The following SLC9A9 variants were observed in gnomAD, a reference collection of about 807,000 sequenced individuals.
SLC9A9 encodes the protein solute carrier family 9 member A9.
Under a neutral mutation model 77.8 loss-of-function variants are expected in SLC9A9, and 62 were observed. That is an observed-to-expected ratio of 0.80 (90% confidence interval 0.65 to 0.98). The LOEUF (loss-of-function observed/expected upper bound fraction) is 0.98, where lower values mean the gene tolerates loss of function less well. Among genes scored for constraint, SLC9A9 ranks in the 50% least tolerant of loss-of-function variants. The pLI is 0.00. For synonymous variants in SLC9A9, 320 were observed against 283.5 expected (o/e 1.13, Z -1.29); for missense variants, 775 against 774.9 (o/e 1.00, Z 0.00).
At chr3:143,610,703 C>A (rs1407198903) in intron 6 of SLC9A9, among the ~76,000 whole-genome samples, 2 of 152,164 alleles carry the variant, frequency 1.3e-5, no homozygotes, top group Non-Finnish European at 2.9e-5. Context: ...GAACCCCAGA[C>A]CCCTTTCCAC....
At chr3:143,770,023 G>A (rs1339879604) in intron 4 of SLC9A9, among the ~76,000 whole-genome samples, 1 of 152,138 alleles carries the variant, frequency 6.6e-6, no homozygotes, top group East Asian at 1.9e-4. Context: ...ATTCTCTCAT[G>A]TTGATACTTT....
chr3:143,561,068 C>G (rs890576790), intron 8 of SLC9A9, among the ~76,000 whole-genome samples: 7 of 152,126 alleles, frequency 4.6e-5, no homozygotes, highest in Non-Finnish European at 8.8e-5. Flanking sequence ...GTAATCCCAG[C>G]TACTTGGGAG....
chr3:143,815,164 T>C (rs2008971773), intron 2 of SLC9A9, among the ~76,000 whole-genome samples: 1 of 152,164 alleles, frequency 6.6e-6, no homozygotes, highest in Non-Finnish European at 1.5e-5. Flanking sequence ...AATTAATAAA[T>C]TAATGCTTTT....
At chr3:143,322,907 C>T (rs988262030) in intron 14 of SLC9A9, among the ~76,000 whole-genome samples, 4 of 152,062 alleles carry the variant, frequency 2.6e-5, no homozygotes, top group African/African-American at 9.7e-5. Context: ...CACGAATAGA[C>T]ATTTCTCCAA....
chr3:143,620,320 C>G (rs1453013158), intron 6 of SLC9A9, among the ~76,000 whole-genome samples: 1 of 152,130 alleles, frequency 6.6e-6, no homozygotes, highest in Non-Finnish European at 1.5e-5. Context: ...GTAAGTATAG[C>G]ATAGTTGTTG....
rs767689912 is a variant in SLC9A9, at chr3:143,578,614, C to T, written c.865G>A (p.Gly289Arg). The change falls in exon 7 of 16, where the codon GGG becomes AGG. Residue 289 changes from glycine to arginine, a missense_variant. Coordinates refer to ENST00000316549, the MANE Select transcript of SLC9A9 (RefSeq NM_173653.4). ...LGIFAGSFAMGSAYAIITALL... is the reference protein window; with the variant it reads ...LGIFAGSFAMRSAYAIITALL... ...GCTGTGATGATGGCATACGCAGACC[C>T]CATTGCAAATGAGCCAGCGAAGATT... The T allele has an allele frequency of 6.2e-6, 10 of 1,613,908 alleles. No homozygotes were observed. In the Admixed American group the frequency reaches 1.3e-4, roughly 22 times the overall value.
intron 9 of SLC9A9, among the ~76,000 whole-genome samples, chr3:143,530,209 G>A (rs2036479433): frequency 6.6e-6 from 1 of 152,210 alleles, no homozygotes; most frequent in Admixed American, 6.5e-5. Flanking sequence ...TAGTGAGAGA[G>A]TTTGGCTGTG....
intron 1 of SLC9A9, among the ~76,000 whole-genome samples, chr3:143,839,252 G>A (rs1559822291): frequency 1.3e-5 from 2 of 152,104 alleles, no homozygotes; most frequent in South Asian, 2.1e-4. Context: ...ACTTGTTTTG[G>A]TGAAGAGTCC....
chr3:143,538,853 G>A (rs1318893598), intron 9 of SLC9A9, among the ~76,000 whole-genome samples: 1 of 152,186 alleles, frequency 6.6e-6, no homozygotes, highest in Admixed American at 6.5e-5. Context: ...CAGATCTCTA[G>A]GGGAAAAGAA....
intron 9 of SLC9A9, among the ~76,000 whole-genome samples, chr3:143,519,535 A>T (rs1342909508): frequency 6.6e-6 from 1 of 152,174 alleles, no homozygotes; most frequent in East Asian, 1.9e-4. Context: ...AGTTTGGAAG[A>T]AGAGAAGGCA....
chr3:143,810,037 A>G lies in SLC9A9; in HGVS notation c.379-13134T>C, dbSNP rs538777559. ...ATGGAAACATTACGTATGTCTTATG[A>G]AAACAGTGAGATTTTTAAATATTAA... On this transcript the variant is annotated intron_variant, in intron 2 of 15. Coordinates refer to ENST00000316549, the MANE Select transcript of SLC9A9 (RefSeq NM_173653.4). Among the ~76,000 whole-genome samples, 8 of 152,356 alleles carry G rather than the reference A, an allele frequency of 5.3e-5. No individual in the cohort carries two copies. The South Asian group carries it at 1.5e-3, about 28-fold the overall frequency.
intron 12 of SLC9A9, among the ~76,000 whole-genome samples, chr3:143,412,432 C>T (rs565047390): frequency 1.3e-5 from 2 of 152,284 alleles, no homozygotes; most frequent in East Asian, 3.9e-4. Context: ...CAGCATCTGA[C>T]CACTAATGCT....
chr3:143,390,457 T>C lies in SLC9A9; in HGVS notation c.1470-8343A>G, dbSNP rs536118204. 5.3e-5 allele frequency among the ~76,000 whole-genome samples: 8 copies of C among 152,158 alleles called. No individual in the cohort carries two copies. The East Asian group carries it at 1.5e-3, about 29-fold the overall frequency. ...TCATAGGCTGTTGTGGGATAATACA[T>C]GTAAGGGGTGAATTGTTCCAAGATG... On this transcript the variant is annotated intron_variant, in intron 12 of 15. Transcript: ENST00000316549.
At chr3:143,798,107 C>T (rs986629957) in intron 2 of SLC9A9, among the ~76,000 whole-genome samples, 5 of 152,214 alleles carry the variant, frequency 3.3e-5, no homozygotes, top group Non-Finnish European at 5.9e-5. Context: ...TCTCTTTACT[C>T]TCTTCTCCAG....
intron 2 of SLC9A9, among the ~76,000 whole-genome samples, chr3:143,809,233 A>C (rs1228975888): frequency 1.3e-5 from 2 of 152,220 alleles, no homozygotes; most frequent in Non-Finnish European, 2.9e-5. Context: ...TTCTGCAAAA[A>C]TCGGGTTAAT....
intron 12 of SLC9A9, among the ~76,000 whole-genome samples, chr3:143,392,440 C>A (rs958828649): frequency 6.6e-6 from 1 of 152,094 alleles, no homozygotes; most frequent in Non-Finnish European, 1.5e-5. Context: ...TACAAGAGCT[C>A]CTGAAGGAAG....
chr3:143,633,511 G>T lies in SLC9A9; in HGVS notation c.755+18744C>A, dbSNP rs114806109. ...CTCCAAAGTGTGCCATTGTTTGTAT[G>T]TAGCACAGTATATTTAATCTTTCTT... is the stretch of plus-strand genomic sequence containing the variant. On this transcript the variant is annotated intron_variant, in intron 6 of 15. Coordinates refer to ENST00000316549, the MANE Select transcript of SLC9A9 (RefSeq NM_173653.4). 1.9e-3 allele frequency among the ~76,000 whole-genome samples: 285 copies of T among 152,156 alleles called. 1 individual carries two copies. Among genetic ancestry groups the T allele is most frequent in the African/African-American group, 6.1e-3 (254 of 41,536 alleles).
At chr3:143,357,423 T>C (rs2032624542) in intron 14 of SLC9A9, among the ~76,000 whole-genome samples, 1 of 152,132 alleles carries the variant, frequency 6.6e-6, no homozygotes, top group African/African-American at 2.4e-5. Flanking sequence ...AAAGTATCCA[T>C]TGAACAAAAG....
chr3:143,465,565 A>G (rs950385032), intron 12 of SLC9A9, among the ~76,000 whole-genome samples: 1 of 152,098 alleles, frequency 6.6e-6, no homozygotes, highest in Non-Finnish European at 1.5e-5. Flanking sequence ...GAATATTTGA[A>G]CTCACCTAAT....
Sources: allele counts gnomAD v4.1 joint callset (sites outside exome capture counted in the v4.1 genomes callset), GRCh38; gene constraint gnomAD v4.1.1; transcripts MANE v1.5; gene names NCBI Gene and HGNC (gene_info 2026-07-23, HGNC 2026-07-21).